VAT1L: variants seen among roughly 807,000 people sequenced by gnomAD.
VAT1L encodes the protein putative NADPH-dependent quinone oxidoreductase VAT1L.
VAT1L carries 34 observed loss-of-function variants against 44.1 expected under a neutral mutation model. The ratio of observed to expected loss-of-function variants is 0.77; its 90% CI spans 0.59 to 1.03. The LOEUF (loss-of-function observed/expected upper bound fraction) is 1.03, where lower values mean the gene tolerates loss of function less well. Ranked by LOEUF, VAT1L falls within the 50% of genes least tolerant of loss-of-function variation. The pLI, the probability that VAT1L is intolerant of heterozygous loss-of-function variation, is 0.00. For missense variants in VAT1L, 615 were observed against 538.8 expected (o/e 1.14, Z -1.40); for synonymous variants, 253 against 202.2 (o/e 1.25, Z -2.13).
At position 77,856,427 on chromosome 16, in the gene VAT1L, C is replaced by T. The variant is rs191256901; in HGVS notation, c.580-6321C>T. Among the ~76,000 whole-genome samples the T allele has an allele frequency of 1.8e-3, 267 of 152,210 alleles. 1 individual carries two copies. Among genetic ancestry groups the T allele is most frequent in the African/African-American group, 6.2e-3 (258 of 41,538 alleles). On this transcript the variant is annotated intron_variant, in intron 3 of 8. Transcript: ENST00000302536. Reference sequence around the variant, plus strand: ...TGGGTAAAAAGAATTTCAACTGGGCCCCATCCCAATCTCAAAACTGTTATA... The same window carrying T: ...TGGGTAAAAAGAATTTCAACTGGGCTCCATCCCAATCTCAAAACTGTTATA...
At chr16:77,857,163 G>A (rs540286959) in intron 3 of VAT1L, among the ~76,000 whole-genome samples, 55 of 152,276 alleles carry the variant, frequency 3.6e-4, no homozygotes, top group African/African-American at 1.3e-3. Flanking sequence ...ACAAGCGCAT[G>A]CAAATCGTCA....
chr16:77,931,699 T>C (rs2017733018), intron 7 of VAT1L, among the ~76,000 whole-genome samples: 1 of 152,242 alleles, frequency 6.6e-6, no homozygotes, highest in Non-Finnish European at 1.5e-5. Context: ...AGTCTGAATA[T>C]GTAGTGATAT....
At chr16:77,806,238 C>G (rs975190428) in intron 1 of VAT1L, among the ~76,000 whole-genome samples, 4 of 152,040 alleles carry the variant, frequency 2.6e-5, no homozygotes, top group African/African-American at 9.7e-5. Flanking sequence ...GAGATGGACT[C>G]TCGCTCTGTC....
intron 3 of VAT1L, among the ~76,000 whole-genome samples, chr16:77,843,933 G>C (rs1159483684): frequency 6.6e-6 from 1 of 152,170 alleles, no homozygotes; most frequent in African/African-American, 2.4e-5. Flanking sequence ...GGAGACAGGT[G>C]GTGGACCTTC....
rs562324846 is a variant in VAT1L at position 77,892,135 on chromosome 16, G to A, written c.1077+7333G>A. Among the ~76,000 whole-genome samples, 6 of 152,284 alleles carry A rather than the reference G, an allele frequency of 3.9e-5. No individual in the cohort carries two copies. In the South Asian group the frequency reaches 6.2e-4, roughly 16 times the overall value. ...AGGTGGAATGGCCCGAGTCAAGGCT[G>A]TGGAGTAATGTGATTGTCAGTTCTG... On this transcript the variant is annotated intron_variant, in intron 7 of 8. Coordinates refer to ENST00000302536, the MANE Select transcript of VAT1L (RefSeq NM_020927.3).
At chr16:77,844,224 C>T (rs553879547) in intron 3 of VAT1L, among the ~76,000 whole-genome samples, 2 of 152,202 alleles carry the variant, frequency 1.3e-5, no homozygotes, top group Admixed American at 6.5e-5. Flanking sequence ...AAAATGGATA[C>T]TTGCATCTGT....
rs2017132509 is a variant in VAT1L at position 77,879,993 on chromosome 16, G to A, written c.882+769G>A. 6.6e-6 allele frequency among the ~76,000 whole-genome samples: 1 copy of A among 152,124 alleles called. No individual in the cohort carries two copies. The highest frequency in any genetic ancestry group is 1.5e-5 in the Non-Finnish European group (1 of 68,032). ...TAACAAGATCCTGAGGTGACTTGTAGACTCAGACAAGCTCATGAACCACTC... is the reference window on the plus strand; with the variant it reads ...TAACAAGATCCTGAGGTGACTTGTAAACTCAGACAAGCTCATGAACCACTC... On this transcript the variant is annotated intron_variant, in intron 6 of 8. Transcript: ENST00000302536. This position sits in a 1 kb window ranked among gnomAD's most constrained non-coding sequence, Gnocchi z 4.1.
At chr16:77,926,915 T>C (rs886776202) in intron 7 of VAT1L, among the ~76,000 whole-genome samples, 1 of 152,136 alleles carries the variant, frequency 6.6e-6, no homozygotes, top group African/African-American at 2.4e-5. Context: ...CCCCTGAAGT[T>C]AGAAATCCAC....
chr16:77,899,660 T>G (rs142548433), intron 7 of VAT1L, among the ~76,000 whole-genome samples: 169 of 152,350 alleles, frequency 1.1e-3, no homozygotes, highest in African/African-American at 4.0e-3. Context: ...GTGAGTTTGC[T>G]CAACAGACAC....
At chr16:77,871,906 G>A (rs1240222038) in intron 4 of VAT1L, among the ~76,000 whole-genome samples, 4 of 152,132 alleles carry the variant, frequency 2.6e-5, no homozygotes, top group Non-Finnish European at 4.4e-5. Flanking sequence ...GAGGTTTTGC[G>A]TACTCTTTCT....
At chr16:77,865,548 T>C (rs2016964631) in intron 4 of VAT1L, among the ~76,000 whole-genome samples, 1 of 152,130 alleles carries the variant, frequency 6.6e-6, no homozygotes, top group Admixed American at 6.6e-5. Flanking sequence ...AATAAAACTA[T>C]AAAGAGAAAT....
At chr16:77,897,960 A>G (rs1003856977) in intron 7 of VAT1L, among the ~76,000 whole-genome samples, 10 of 152,188 alleles carry the variant, frequency 6.6e-5, no homozygotes, top group Non-Finnish European at 1.0e-4. Context: ...CACAACAGAA[A>G]TGTGTTGTCT....
chr16:77,823,965 T>C (rs1284558752), intron 2 of VAT1L, among the ~76,000 whole-genome samples: 5 of 152,200 alleles, frequency 3.3e-5, no homozygotes, highest in African/African-American at 7.2e-5. Flanking sequence ...GGAGGTTGCA[T>C]TGAGCTGAGA....
chr16:77,909,198 C>T (rs534439070), intron 7 of VAT1L, among the ~76,000 whole-genome samples: 10 of 152,234 alleles, frequency 6.6e-5, no homozygotes, highest in Non-Finnish European at 1.0e-4. Flanking sequence ...AAGTCGCTTG[C>T]CTGAAGTCAC....
intron 3 of VAT1L, among the ~76,000 whole-genome samples, chr16:77,832,717 G>C (rs899150640): frequency 3.9e-5 from 6 of 152,190 alleles, no homozygotes; most frequent in African/African-American, 1.4e-4. Flanking sequence ...ATTTCCCAGT[G>C]TCATTCAAAC....
At chr16:77,922,127 G>C (rs755970807) in intron 7 of VAT1L, among the ~76,000 whole-genome samples, 5 of 152,044 alleles carry the variant, frequency 3.3e-5, no homozygotes, top group Non-Finnish European at 7.4e-5. Flanking sequence ...TAAGCATGTG[G>C]AATATTTTAT....
At chr16:77,961,514 C>T (rs1184299381) in intron 7 of VAT1L, among the ~76,000 whole-genome samples, 2 of 152,308 alleles carry the variant, frequency 1.3e-5, no homozygotes, top group Non-Finnish European at 2.9e-5. Context: ...GTTTCCATGG[C>T]CCTCTTCTTA....
At chr16:77,953,028 TG>T (rs879588780) in intron 7 of VAT1L, among the ~76,000 whole-genome samples, 11 of 151,708 alleles carry the variant, frequency 7.3e-5, no homozygotes, top group Non-Finnish European at 1.5e-4. Flanking sequence ...CAGATTAGGG[TG>T]GACCCTTAAT....
chr16:77,789,904 C>A (rs2015801877), intron 1 of VAT1L, among the ~76,000 whole-genome samples: 1 of 152,104 alleles, frequency 6.6e-6, no homozygotes, highest in Admixed American at 6.5e-5. Context: ...CCAGCAGAGG[C>A]GGACTGGACC....
Sources: gnomAD v4.1 joint callset for allele counts (sites outside exome capture counted in the v4.1 genomes callset) on GRCh38, gnomAD v4.1.1 for gene constraint, Gnocchi (gnomAD v3.1) non-coding constraint, MANE v1.5 for transcripts, NCBI Gene and HGNC (gene_info 2026-07-23, HGNC 2026-07-21) for gene names.